Variants in DIAPH2 observed in about 807,000 individuals in gnomAD.
DIAPH2 encodes diaphanous related formin 2, also known as protein diaphanous homolog 2.
Under a neutral mutation model 92.7 loss-of-function variants are expected in DIAPH2, and 35 were observed. The ratio of observed to expected loss-of-function variants is 0.38; its 90% CI spans 0.29 to 0.50. The LOEUF is 0.50. Among genes scored for constraint, DIAPH2 ranks in the 20% least tolerant of loss-of-function variants. DIAPH2 has a pLI of 0.94. For missense variants in DIAPH2, 701 were observed against 819.5 expected (o/e 0.86, Z 1.77); for synonymous variants, 301 against 280.4 (o/e 1.07, Z -0.73).
intron 17 of DIAPH2, among the ~76,000 whole-genome samples, chrX:97,035,297 C>T (rs751832880): frequency 1.8e-5 from 2 of 111,810 alleles, no homozygotes; most frequent in Non-Finnish European, 3.8e-5. Context: ...ATGATTTTTG[C>T]ATGAAGTTAA....
chrX:96,719,436 T>G (rs1482759290), intron 1 of DIAPH2, among the ~76,000 whole-genome samples: 1 of 112,483 alleles, frequency 8.9e-6, no homozygotes, highest in Non-Finnish European at 1.9e-5. Context: ...ATTTAAGTCT[T>G]GAATCCACTT....
At chrX:96,800,050 TTTTTTCCA>T (rs1362420880) in intron 4 of DIAPH2, among the ~76,000 whole-genome samples, 6 of 111,137 alleles carry the variant, frequency 5.4e-5, no homozygotes, top group Admixed American at 4.8e-4. Flanking sequence ...TGTGACCTAC[TTTTTTCCA>T]TTTGATTTTA....
At chrX:97,115,046 C>A in intron 21 of DIAPH2, 81 bp downstream of exon 21, 1 of 922,105 alleles carries the variant, frequency 1.1e-6, no homozygotes, top group Non-Finnish European at 1.5e-6. Flanking sequence ...AGCAATCGTA[C>A]ATAAACCACA....
chrX:97,299,400 A>G (rs1160814921), intron 23 of DIAPH2, among the ~76,000 whole-genome samples: 3 of 111,927 alleles, frequency 2.7e-5, no homozygotes, highest in Non-Finnish European at 5.6e-5. Context: ...AAAATGCTAG[A>G]TGGAAAAGTC....
intron 26 of DIAPH2, among the ~76,000 whole-genome samples, chrX:97,573,968 A>G (rs1421471695): frequency 8.9e-6 from 1 of 111,846 alleles, no homozygotes; most frequent in Non-Finnish European, 1.9e-5. Flanking sequence ...GCCATCAAGC[A>G]TGATTTTGGT....
intron 25 of DIAPH2, among the ~76,000 whole-genome samples, chrX:97,402,495 A>T (rs2069767846): frequency 8.9e-6 from 1 of 111,833 alleles, no homozygotes; most frequent in Admixed American, 9.6e-5. Flanking sequence ...GGATGTTCTC[A>T]TATCTTCTTT....
chrX:97,346,417 C>A (rs1429134806), intron 23 of DIAPH2, among the ~76,000 whole-genome samples: 4 of 109,265 alleles, frequency 3.7e-5, no homozygotes, highest in Non-Finnish European at 7.6e-5. Context: ...CTCCCTCCCC[C>A]CTTCCCTCCT....
intron 24 of DIAPH2, among the ~76,000 whole-genome samples, chrX:97,366,277 CTCTT>C (rs936698737): frequency 1.5e-4 from 17 of 111,884 alleles, no homozygotes; most frequent in African/African-American, 5.5e-4. Context: ...CTCTGCCTCT[CTCTT>C]TCTCTCTGCC....
intron 23 of DIAPH2, among the ~76,000 whole-genome samples, chrX:97,300,523 G>A (rs1465211126): frequency 9.2e-6 from 1 of 108,248 alleles, no homozygotes; most frequent in South Asian, 4.1e-4. Flanking sequence ...ATTCAGTGAC[G>A]CTTTCCAACT....
At chrX:96,831,332 G>A (rs1001909406) in intron 4 of DIAPH2, among the ~76,000 whole-genome samples, 1 of 111,471 alleles carries the variant, frequency 9.0e-6, no homozygotes, top group African/African-American at 3.3e-5. Context: ...CTATGTTTAC[G>A]TATTATCTGT....
chrX:97,382,921 GT>G (rs2069564639), intron 24 of DIAPH2, among the ~76,000 whole-genome samples: 1 of 112,144 alleles, frequency 8.9e-6, no homozygotes, highest in Non-Finnish European at 1.9e-5. Flanking sequence ...GAACAAAATA[GT>G]TTTTGTCAAA....
At chrX:97,170,497 A>T (rs1336642810) in intron 22 of DIAPH2, among the ~76,000 whole-genome samples, 1 of 112,158 alleles carries the variant, frequency 8.9e-6, no homozygotes, top group East Asian at 2.8e-4. Flanking sequence ...ATTAAACATG[A>T]GGTCTGACAA....
chrX:97,309,157 GTGGCGTGATCT>G (rs1300451583), intron 23 of DIAPH2, among the ~76,000 whole-genome samples: 1 of 109,162 alleles, frequency 9.2e-6, no homozygotes, highest in African/African-American at 3.3e-5. Context: ...CTGAAGTGCA[GTGGCGTGATCT>G]TGGCTTACTG....
At chrX:96,887,267 TAAAGTTCATTTTGAAC>T (rs1313243243) in intron 5 of DIAPH2, among the ~76,000 whole-genome samples, 1 of 111,918 alleles carries the variant, frequency 8.9e-6, no homozygotes, top group African/African-American at 3.2e-5. Context: ...AGCAGATTTT[TAAAGTTCATTTTGAAC>T]ACCCACCTGG....
At chrX:97,185,506 T>TACAC (rs2067595761) in intron 22 of DIAPH2, among the ~76,000 whole-genome samples, 1 of 61,859 alleles carries the variant, frequency 1.6e-5, no homozygotes, top group African/African-American at 6.0e-5. Flanking sequence ...TATATATATA[T>TACAC]ATATATATAT....
intron 25 of DIAPH2, among the ~76,000 whole-genome samples, chrX:97,414,065 A>C (rs1015364076): frequency 4.5e-5 from 5 of 111,938 alleles, no homozygotes; most frequent in Admixed American, 9.5e-5. Context: ...TACAGTTCAC[A>C]TGGAACCAAA....
At chrX:97,566,219 T>A (rs1218813261) in intron 26 of DIAPH2, among the ~76,000 whole-genome samples, 1 of 112,059 alleles carries the variant, frequency 8.9e-6, no homozygotes, top group Non-Finnish European at 1.9e-5. Context: ...TCTTCCTCTT[T>A]TTTTCTGCGA....
intron 25 of DIAPH2, among the ~76,000 whole-genome samples, chrX:97,404,010 C>T (rs1357715395): frequency 4.5e-5 from 5 of 110,120 alleles, no homozygotes; most frequent in African/African-American, 9.9e-5. Flanking sequence ...TGCACCACCA[C>T]GCCTAGCTAA....
chrX:96,716,828 G>T (rs1224917953), intron 1 of DIAPH2, among the ~76,000 whole-genome samples: 3 of 111,455 alleles, frequency 2.7e-5, no homozygotes, highest in African/African-American at 9.8e-5. Flanking sequence ...GATATTTCAT[G>T]ATTTAAATTT....
Sources: gnomAD v4.1 joint callset for allele counts (sites outside exome capture counted in the v4.1 genomes callset) on GRCh38, gnomAD v4.1.1 for gene constraint, MANE v1.5 for transcripts, NCBI Gene and HGNC (gene_info 2026-07-23, HGNC 2026-07-21) for gene names.